TLN2: variants seen among roughly 807,000 people sequenced by gnomAD.
The protein encoded by TLN2 is talin 2.
A neutral mutation model predicts 294.7 loss-of-function variants in TLN2; 118 were observed. The ratio of observed to expected loss-of-function variants is 0.40; its 90% confidence interval spans 0.34 to 0.47. The LOEUF (loss-of-function observed/expected upper bound fraction) is 0.47. TLN2 is among the 20% of genes least tolerant of loss of function. TLN2 has a pLI of 0.84. For missense variants in TLN2, 3,083 were observed against 3,282.2 expected, an observed-to-expected ratio of 0.94 and a Z score of 1.48; for synonymous variants, 1,431 against 1,304.5, an observed-to-expected ratio of 1.10 and a Z score of -2.09.
At chr15:62,824,906 G>C (rs2067905266) in intron 54 of TLN2, among the ~76,000 whole-genome samples, 1 of 152,228 alleles carries the variant, frequency 6.6e-6, no homozygotes, top group Non-Finnish European at 1.5e-5. Flanking sequence ...TGTTCTCAAT[G>C]TTTTGGAGGA....
At chr15:62,639,806 G>A (rs899108086) in intron 3 of TLN2, among the ~76,000 whole-genome samples, 2 of 152,212 alleles carry the variant, frequency 1.3e-5, no homozygotes, top group African/African-American at 2.4e-5. Context: ...CCAGTGGGTT[G>A]ACAAAATTAT....
intron 1 of TLN2, among the ~76,000 whole-genome samples, chr15:62,403,445 C>A (rs2033168047): frequency 6.6e-6 from 1 of 152,146 alleles, no homozygotes; most frequent in African/African-American, 2.4e-5. Flanking sequence ...GTTGCCCAGG[C>A]TGGTTTCAAA....
intron 1 of TLN2, among the ~76,000 whole-genome samples, chr15:62,432,569 G>A (rs2035065871): frequency 6.6e-6 from 1 of 152,174 alleles, no homozygotes; most frequent in South Asian, 2.1e-4. Context: ...TTGAGATGAT[G>A]TATGTGAAGG....
intron 3 of TLN2, among the ~76,000 whole-genome samples, chr15:62,633,590 C>A (rs2050115384): frequency 6.6e-6 from 1 of 152,192 alleles, no homozygotes; most frequent in South Asian, 2.1e-4. Flanking sequence ...AGGCGTGAGG[C>A]CCAGCTATGC....
intron 4 of TLN2, among the ~76,000 whole-genome samples, chr15:62,648,255 T>C (rs1180314952): frequency 6.6e-6 from 1 of 151,962 alleles, no homozygotes; most frequent in Non-Finnish European, 1.5e-5. Context: ...ACCCTGTCTC[T>C]AGTAAAGTCT....
intron 1 of TLN2, among the ~76,000 whole-genome samples, chr15:62,436,602 G>A (rs2035297315): frequency 6.6e-6 from 1 of 152,260 alleles, no homozygotes; most frequent in African/African-American, 2.4e-5. Context: ...GTGAAGGCCA[G>A]TGTGGCTGGA....
chr15:62,836,982 G>A (rs2069730397), intron 57 of TLN2, among the ~76,000 whole-genome samples: 1 of 152,176 alleles, frequency 6.6e-6, no homozygotes, highest in Admixed American at 6.5e-5. Context: ...ATGATTGCAT[G>A]ATATTACATC....
intron 11 of TLN2, among the ~76,000 whole-genome samples, 158 bp downstream of exon 11, chr15:62,675,479 C>T (rs1272483677): frequency 6.6e-6 from 1 of 152,206 alleles, no homozygotes; most frequent in Non-Finnish European, 1.5e-5. Flanking sequence ...GCCGCACAGG[C>T]ATGAGGGGTA....
intron 1 of TLN2, among the ~76,000 whole-genome samples, chr15:62,536,392 G>T: frequency 6.6e-6 from 1 of 152,124 alleles, no homozygotes; most frequent in East Asian, 1.9e-4. Context: ...CATCCGTAGG[G>T]GCTTCTGATA....
At chr15:62,717,796 A>T (rs901153614) in intron 24 of TLN2, 107 bp downstream of exon 24, 1 of 816,272 alleles carries the variant, frequency 1.2e-6, no homozygotes, top group African/African-American at 1.7e-5. Context: ...CCAAGCTCCT[A>T]ATCCAATTTG....
chr15:62,577,699 T>G (rs1482091354), intron 1 of TLN2, among the ~76,000 whole-genome samples: 1 of 151,848 alleles, frequency 6.6e-6, no homozygotes, highest in Admixed American at 6.6e-5. Context: ...TTATAAAAAT[T>G]TTTTTTTAAT....
chr15:62,790,094 A>G (rs1337131218), intron 45 of TLN2, among the ~76,000 whole-genome samples: 11 of 152,196 alleles, frequency 7.2e-5, no homozygotes, highest in African/African-American at 2.4e-4. Context: ...TGCTTTCTTT[A>G]TGCATGTAAC....
intron 43 of TLN2, among the ~76,000 whole-genome samples, 174 bp from the exon 44 acceptor site, chr15:62,780,966 C>G (rs1420587787): frequency 1.3e-5 from 2 of 152,156 alleles, no homozygotes; most frequent in Non-Finnish European, 2.9e-5. Context: ...CCCTGAATGC[C>G]TTATGTGCCC....
intron 3 of TLN2, among the ~76,000 whole-genome samples, chr15:62,630,985 A>G (rs1048429007): frequency 1.3e-5 from 2 of 152,194 alleles, no homozygotes; most frequent in African/African-American, 2.4e-5. Context: ...AGAAAACTTA[A>G]AAGATTTTTT....
chr15:62,537,887 C>A (rs1477954212), intron 1 of TLN2, among the ~76,000 whole-genome samples: 1 of 152,286 alleles, frequency 6.6e-6, no homozygotes, highest in South Asian at 2.1e-4. Flanking sequence ...CTTGCCCATT[C>A]CCTCATTCTG....
chr15:62,581,821 A>G (rs1487307097), intron 1 of TLN2, among the ~76,000 whole-genome samples: 2 of 152,082 alleles, frequency 1.3e-5, no homozygotes, highest in Non-Finnish European at 2.9e-5. Flanking sequence ...AGGCAGGCAG[A>G]TCACCTGAGA....
intron 6 of TLN2, 133 bp from the exon 7 acceptor site, chr15:62,653,029 T>C (rs985184137): frequency 9.4e-6 from 6 of 636,540 alleles, no homozygotes; most frequent in African/African-American, 9.4e-5. Flanking sequence ...GCCACCTCCC[T>C]GACCCTCATA....
At chr15:62,530,585 G>A (rs972476269) in intron 1 of TLN2, among the ~76,000 whole-genome samples, 1 of 152,136 alleles carries the variant, frequency 6.6e-6, no homozygotes, top group African/African-American at 2.4e-5. Flanking sequence ...TCGAACTCCG[G>A]AGCTCATGAT....
chr15:62,566,510 G>A (rs1487652878), intron 1 of TLN2, among the ~76,000 whole-genome samples: 1 of 151,972 alleles, frequency 6.6e-6, no homozygotes, highest in Non-Finnish European at 1.5e-5. Context: ...ATGTGCATGG[G>A]GTATAGGGGA....
Sources: allele counts gnomAD v4.1 joint callset (sites outside exome capture counted in the v4.1 genomes callset), GRCh38; gene constraint gnomAD v4.1.1; transcripts MANE v1.5; gene names NCBI Gene and HGNC (gene_info 2026-07-23, HGNC 2026-07-21).